Variants in CSNK1E observed in about 807,000 individuals in gnomAD.
CSNK1E encodes casein kinase I isoform epsilon.
A neutral mutation model predicts 46.1 loss-of-function variants in CSNK1E; 17 were observed. The ratio of observed to expected loss-of-function variants is 0.37; its 90% CI spans 0.25 to 0.55. The LOEUF is 0.55. CSNK1E is among the 20% of genes least tolerant of loss of function. The probability of loss-of-function intolerance (pLI) is 0.82; values close to 1 mark genes in which losing one functional copy is unlikely to be tolerated. For synonymous variants in CSNK1E, 241 were observed against 242.6 expected, an observed-to-expected ratio of 0.99 and a Z score of 0.06; for missense variants, 386 against 595.4, an observed-to-expected ratio of 0.65 and a Z score of 3.66.
intron 9 of CSNK1E, among the ~76,000 whole-genome samples, chr22:38,293,679 CCCCTT>C (rs1157999734): frequency 2.0e-5 from 3 of 152,116 alleles, no homozygotes; most frequent in Admixed American, 1.3e-4. Context: ...CTACAGATTC[CCCCTT>C]CCCAAGTGTC....
In CSNK1E at chr22:38,299,917, C is replaced by T; in HGVS notation, c.714G>A (p.Glu238=). ...ISEKKMSTPI[E]VLCKGYPSEF... ...CACAGGGATAGCCTTTGCAGAGGACCTCGATGGGCGTTGACATCTTCTTCT... is the reference window on the plus strand; with the variant it reads ...CACAGGGATAGCCTTTGCAGAGGACTTCGATGGGCGTTGACATCTTCTTCT... The change falls in exon 6 of 11, where the codon GAG becomes GAA. Residue 238 remains glutamate, a synonymous_variant. Transcript: ENST00000396832. The T allele has an allele frequency of 6.2e-7, 1 of 1,614,174 alleles. No homozygotes were observed. Among genetic ancestry groups the T allele is most frequent in the African/African-American group, 1.3e-5 (1 of 75,062 alleles).
In CSNK1E at chr22:38,298,670, A is replaced by G; in HGVS notation, c.885+116T>C. On this transcript the variant is annotated intron_variant, in intron 7 of 10. Transcript: ENST00000396832. The surrounding 1 kb of genome is among the most constrained non-coding windows in gnomAD (Gnocchi z 4.2). ...CCCAGTGAGGTCAACCACACTGTCC[A>G]GCTCGTACCTCCCGTCTGTCGGGAG... 8.1e-7 allele frequency: 1 copy of G among 1,227,212 alleles called. No individual in the cohort carries two copies. The highest frequency in any genetic ancestry group is 1.2e-6 in the Non-Finnish European group (1 of 854,900). 76.0% of individuals were successfully genotyped at this position (1,227,212 alleles called of 1,614,324 possible).
chr22:38,313,750 A>G (rs1187142164), intron 2 of CSNK1E, among the ~76,000 whole-genome samples: 5 of 152,182 alleles, frequency 3.3e-5, no homozygotes, highest in African/African-American at 1.2e-4. Context: ...TTCTCCCAGG[A>G]AGCAGGGGAG....
At chr22:38,299,470 G>C (rs2092659306) in intron 6 of CSNK1E, among the ~76,000 whole-genome samples, 1 of 152,246 alleles carries the variant, frequency 6.6e-6, no homozygotes, top group Non-Finnish European at 1.5e-5. Context: ...GAGTGGCAAA[G>C]AGCCAGGGAT....
chr22:38,309,464 C>CT lies in CSNK1E; in HGVS notation c.76+4617dup, dbSNP rs916553144. ...GTACTACTGTTTGTATTTCTTTTTT[C>CT]TTTTTTTTTTGAGACAGCTTCACTT... On this transcript the variant is annotated intron_variant, in intron 2 of 10. Coordinates refer to ENST00000396832, the MANE Select transcript of CSNK1E (RefSeq NM_152221.3). The surrounding 1 kb of genome is among the most constrained non-coding windows in gnomAD (Gnocchi z 4.8). Among the ~76,000 whole-genome samples, 45 of 148,868 alleles carry CT rather than the reference C, an allele frequency of 3.0e-4. No homozygotes were observed. Among genetic ancestry groups the CT allele is most frequent in the South Asian group, 1.7e-3 (8 of 4,702 alleles).
intron 2 of CSNK1E, among the ~76,000 whole-genome samples, chr22:38,311,023 T>C (rs942427735): frequency 6.6e-6 from 1 of 152,136 alleles, no homozygotes; most frequent in East Asian, 1.9e-4. Context: ...CCTGAGGCCC[T>C]TGCACCAGTG....
In CSNK1E at chr22:38,300,849, A is replaced by G; in HGVS notation, c.440T>C (p.Ile147Thr). Residue 147 changes from isoleucine to threonine, a missense_variant, in exon 5 of 11, where the codon ATC (isoleucine) becomes ACC (threonine). Ile to Thr is a moderately conservative substitution (Grantham distance 89). Around this residue, in one of 2 missense-constraint regions of CSNK1E, gnomAD observed 212 missense variants for 410.2 expected, o/e 0.52. Transcript: ENST00000396832. The surrounding 1 kb of genome is among the most constrained non-coding windows in gnomAD (Gnocchi z 4.4). ...CTTCTTGGCCAGGCCGAAGTCGATG[A>G]TGTAGACCAGGTTGCCCTTCTTCCC... ...GLGKKGNLVY[I>T]IDFGLAKKYR... 1.2e-6 allele frequency: 2 copies of G among 1,614,154 alleles called. No individual in the cohort carries two copies. The highest frequency in any genetic ancestry group is 1.7e-6 in the Non-Finnish European group (2 of 1,180,024).
intron 2 of CSNK1E, among the ~76,000 whole-genome samples, chr22:38,306,588 G>A (rs1317962894): frequency 1.3e-5 from 2 of 152,202 alleles, no homozygotes; most frequent in African/African-American, 2.4e-5. Flanking sequence ...AAAATTAGCT[G>A]GGCGTAGTGG....
chr22:38,307,529 G>A (rs1356938942), intron 2 of CSNK1E, among the ~76,000 whole-genome samples: 3 of 152,122 alleles, frequency 2.0e-5, no homozygotes, highest in African/African-American at 7.2e-5. Flanking sequence ...CCAGCCTGGC[G>A]ACACAGCGAG....
intron 2 of CSNK1E, among the ~76,000 whole-genome samples, chr22:38,311,142 C>T (rs1024246538): frequency 6.6e-5 from 10 of 152,162 alleles, no homozygotes; most frequent in Admixed American, 2.0e-4. Context: ...GGTGGGGGCG[C>T]AGCGCACAGC....
rs773141291 is a variant in CSNK1E, at chr22:38,298,974, G to A, written c.737-40C>T. The A allele has an allele frequency of 6.2e-7, 1 of 1,611,678 alleles. No homozygotes were observed. Among genetic ancestry groups the A allele is most frequent in the African/African-American group, 1.3e-5 (1 of 74,840 alleles). ...AGAGGATAGAGAAGGCCACTGTGAGGCCCACGCTCCCAGACCCCCTGCAGC... is the reference window on the plus strand; with the variant it reads ...AGAGGATAGAGAAGGCCACTGTGAGACCCACGCTCCCAGACCCCCTGCAGC... On this transcript the variant is annotated intron_variant, in intron 6 of 10. Coordinates refer to ENST00000396832, the MANE Select transcript of CSNK1E (RefSeq NM_152221.3). This position sits in a 1 kb window ranked among gnomAD's most constrained non-coding sequence, Gnocchi z 4.2.
upstream of CSNK1E, among the ~76,000 whole-genome samples, chr22:38,317,677 G>A (rs2092755829): frequency 6.6e-6 from 1 of 151,988 alleles, no homozygotes; most frequent in African/African-American, 2.4e-5. Context: ...ACGGGGTGCG[G>A]GGGGGACAGA....
chr22:38,294,276 A>C lies in CSNK1E; in HGVS notation c.1079-28T>G, dbSNP rs1741860632. 6.2e-7 allele frequency: 1 copy of C among 1,604,142 alleles called. No individual in the cohort carries two copies. Among genetic ancestry groups the C allele is most frequent in the Non-Finnish European group, 8.5e-7 (1 of 1,177,704 alleles). On this transcript the variant is annotated intron_variant, in intron 8 of 10. Coordinates refer to ENST00000396832, the MANE Select transcript of CSNK1E (RefSeq NM_152221.3). The surrounding 1 kb of genome is among the most constrained non-coding windows in gnomAD (Gnocchi z 5.5). ...GGAGGGAGAGTGGGAAGCCACCCTC[A>C]GAGTAGGCACAAACAGAGCCCCCCA...
chr22:38,298,164 T>C lies in CSNK1E; in HGVS notation c.885+622A>G, dbSNP rs3788540. On this transcript the variant is annotated intron_variant, in intron 7 of 10. Transcript: ENST00000396832. The surrounding 1 kb of genome is among the most constrained non-coding windows in gnomAD (Gnocchi z 4.2). ...GGACAGAAAGGTCCCTTCGCTGTCATGGGGCTGTCACGGGGCTGAGCCTGG... is the reference window on the plus strand; with the variant it reads ...GGACAGAAAGGTCCCTTCGCTGTCACGGGGCTGTCACGGGGCTGAGCCTGG... The C allele has an allele frequency of 6.7e-4, 873 of 1,302,896 alleles. 21 individuals carry two copies. The East Asian group carries it at 0.036, about 54-fold the overall frequency. 80.7% of individuals were successfully genotyped at this position (1,302,896 alleles called of 1,614,324 possible).
rs553886168 is a variant in CSNK1E, at chr22:38,294,929, G to T, written c.886-395C>A. Among the ~76,000 whole-genome samples the T allele has an allele frequency of 6.6e-6, 1 of 152,328 alleles. No individual in the cohort carries two copies. The highest frequency in any genetic ancestry group is 2.1e-4 in the South Asian group (1 of 4,834). ...TAACTACTCAAGGTTGCTAAACCGA[G>T]CAGGAAAGCTGTTTAGAGGCCTCTA... On this transcript the variant is annotated intron_variant, in intron 7 of 10. Transcript: ENST00000396832. The surrounding 1 kb of genome is among the most constrained non-coding windows in gnomAD (Gnocchi z 5.5).
At chr22:38,293,131 C>A (rs12484542) in intron 10 of CSNK1E, 124 bp downstream of exon 10, 2 of 789,808 alleles carry the variant, frequency 2.5e-6, no homozygotes, top group Non-Finnish European at 4.4e-6. Flanking sequence ...AGTTCTGGGG[C>A]GCCTGGTACC....
chr22:38,298,925 G>A lies in CSNK1E; in HGVS notation c.746C>T (p.Ser249Leu). Residue 249 changes from serine to leucine, a missense_variant, in exon 7 of 11, where the codon TCA becomes TTA. Coordinates refer to ENST00000396832, the MANE Select transcript of CSNK1E (RefSeq NM_152221.3). The surrounding 1 kb of genome is among the most constrained non-coding windows in gnomAD (Gnocchi z 4.2). ...GGAGCGGCAGAAGTTGAGGTATGTT[G>A]AGAATTCGGCTGGAGGGTGTTGCAG... ...VLCKGYPSEFSTYLNFCRSLR... is the reference protein window; with the variant it reads ...VLCKGYPSEFLTYLNFCRSLR... The A allele has an allele frequency of 1.2e-6, 2 of 1,614,108 alleles. No homozygotes were observed. Among genetic ancestry groups the A allele is most frequent in the African/African-American group, 1.3e-5 (1 of 75,040 alleles).
chr22:38,305,173 G>A (rs2092692708), intron 2 of CSNK1E, among the ~76,000 whole-genome samples: 1 of 142,332 alleles, frequency 7.0e-6, no homozygotes. Context: ...AGTTCTACTT[G>A]TTTCCATATC....
Position 38,294,219 on chromosome 22 carries a change from C to A in CSNK1E, c.1108G>T (p.Val370Phe), listed in dbSNP as rs781292390. ...ATACTCACCTTCCTCTCCCGGTCGA[C>A]CCGCGAGATCGCTCTGGGAGAAGTA... Reference protein sequence around the residue: ...GNTSPRAISRVDRERKVSMRL... With the variant: ...GNTSPRAISRFDRERKVSMRL... The change falls in exon 9 of 11, where the codon GTC (valine) becomes TTC (phenylalanine). Residue 370 changes from valine to phenylalanine, a missense_variant. By Grantham distance (50) the Val-to-Phe change is conservative. This residue lies in a region of CSNK1E where 174 missense variants were observed against 185.2 expected (regional missense o/e 0.94). Transcript: ENST00000396832. The surrounding 1 kb of genome is among the most constrained non-coding windows in gnomAD (Gnocchi z 5.5). The A allele has an allele frequency of 2.9e-5, 47 of 1,612,606 alleles. No homozygotes were observed. The highest frequency in any genetic ancestry group is 4.0e-5 in the Non-Finnish European group (47 of 1,179,950).
Sources: allele counts gnomAD v4.1 joint callset (sites outside exome capture counted in the v4.1 genomes callset), GRCh38; gene constraint gnomAD v4.1.1; regional missense constraint gnomAD v4.1.1; non-coding constraint Gnocchi (gnomAD v3.1); transcripts MANE v1.5; gene names NCBI Gene and HGNC (gene_info 2026-07-23, HGNC 2026-07-21).